HMCN2: variants seen among roughly 807,000 people sequenced by gnomAD.
HMCN2 encodes the protein hemicentin 2.
HMCN2 carries 325 observed loss-of-function variants against 377.5 expected under a neutral mutation model. The ratio of observed to expected loss-of-function variants is 0.86; its 90% CI spans 0.79 to 0.94. The LOEUF (loss-of-function observed/expected upper bound fraction) is 0.94, where lower values mean the gene tolerates loss of function less well. HMCN2 is among the 40% of genes least tolerant of loss of function. The probability of loss-of-function intolerance (pLI) is 0.00; values close to 1 mark genes in which losing one functional copy is unlikely to be tolerated. For missense variants in HMCN2, 4,543 were observed against 4,725.3 expected (o/e 0.96, Z 1.13); for synonymous variants, 2,007 against 2,046.8 (o/e 0.98, Z 0.53).
chr9:130,408,872 T>C lies in HMCN2; in HGVS notation c.12818T>C (p.Leu4273Pro). The change falls in exon 84 of 98, where the codon CTG becomes CCG. Residue 4273 changes from leucine (L) to proline (P), a missense_variant. Leu to Pro is a moderately conservative substitution (Grantham distance 98). Coordinates refer to ENST00000683500, the MANE Select transcript of HMCN2 (RefSeq NM_001291815.2). ...DIHWIKDGLP[L>P]RGSHLRHQLQ... ...CACTGGATCAAAGATGGCCTTCCAC[T>C]GCGGGGCAGCCACCTCCGGCACCAG... 3.1e-6 allele frequency: 4 copies of C among 1,289,784 alleles called. 1 individual carries two copies. The highest frequency in any genetic ancestry group is 4.3e-4 in the Middle Eastern group (2 of 4,692). The allele number at this position is 1,289,784 out of a possible 1,614,324, so 79.9% of individuals were successfully genotyped here. A position where few individuals can be genotyped will look rare whatever the true frequency, so the allele number is the denominator to read the frequency against.
chr9:130,403,750 C>T lies in HMCN2; in HGVS notation c.12023C>T (p.Thr4008Ile), dbSNP rs1405021219. 1.1e-5 allele frequency: 14 copies of T among 1,289,638 alleles called. No homozygotes were observed. Among genetic ancestry groups the T allele is most frequent in the South Asian group, 1.2e-5 (1 of 81,024 alleles). The allele number at this position is 1,289,638 out of a possible 1,614,324, so 79.9% of individuals were successfully genotyped here. ...CTTCTTCCTCGTTCAGGAGTGAGTA[C>T]CCAGGTCCTACCAGGCGGACAGCTG... ...EGLNVATGVS[T>I]QVLPGGQLRI... The change falls in exon 80 of 98, where the codon ACC becomes ATC. Residue 4008 changes from threonine to isoleucine, a missense_variant. Thr to Ile is a moderately conservative substitution (Grantham distance 89). Coordinates refer to ENST00000683500, the MANE Select transcript of HMCN2 (RefSeq NM_001291815.2).
intron 15 of HMCN2, among the ~76,000 whole-genome samples, chr9:130,316,340 G>A (rs1044462800): frequency 6.6e-6 from 1 of 151,854 alleles, no homozygotes; most frequent in Admixed American, 6.6e-5. Context: ...GGAGCTCAGT[G>A]GAAGGTCTGG....
In HMCN2 at chr9:130,361,995, C is replaced by T; in HGVS notation, c.5951-13C>T. On this transcript the variant is annotated splice_polypyrimidine_tract_variant and intron_variant, in intron 38 of 97. Transcript: ENST00000683500. The surrounding 1 kb of genome is among the most constrained non-coding windows in gnomAD (Gnocchi z 4.8). ...GGGCTCAGCCTGTACCCCATGTCACCCCTGCCCTGCAGTGCCCCCTCGAAT... is the reference window on the plus strand; with the variant it reads ...GGGCTCAGCCTGTACCCCATGTCACTCCTGCCCTGCAGTGCCCCCTCGAAT... 1.0e-6 allele frequency: 1 copy of T among 986,018 alleles called. No individual in the cohort carries two copies. The highest frequency in any genetic ancestry group is 1.2e-6 in the Non-Finnish European group (1 of 830,048). The allele number at this position is 986,018 out of a possible 1,614,324, so 61.1% of individuals were successfully genotyped here.
At chr9:130,329,589 C>T (rs1456266246) in intron 22 of HMCN2, among the ~76,000 whole-genome samples, 1 of 152,154 alleles carries the variant, frequency 6.6e-6, no homozygotes, top group East Asian at 1.9e-4. Flanking sequence ...ATTACAGGCA[C>T]CTGCCATCAT....
rs946846684 is a variant in HMCN2 at position 130,425,116 on chromosome 9, G to A, written c.13627G>A (p.Asp4543Asn). Residue 4543 changes from aspartate to asparagine, a missense_variant, in exon 89 of 98, where the codon GAT (aspartate) becomes AAT (asparagine). Coordinates refer to ENST00000683500, the MANE Select transcript of HMCN2 (RefSeq NM_001291815.2). ...TGTCCCCGAGAGCCTGGCTGACGCA[G>A]ATCTTCAAGTGCAGGTCGGGGGTCA... is the stretch of plus-strand genomic sequence containing the variant. The part of the protein sequence containing the change: ...GVVPESLADA[D>N]LQVQDFEEHY... 2.6e-6 allele frequency: 4 copies of A among 1,549,296 alleles called. No individual in the cohort carries two copies. In the East Asian group the frequency reaches 9.8e-5, roughly 38 times the overall value.
intron 93 of HMCN2, 50 bp from the exon 94 acceptor site, chr9:130,429,507 G>A: frequency 6.5e-7 from 1 of 1,547,902 alleles, no homozygotes; most frequent in Non-Finnish European, 8.7e-7. Context: ...CCTTGGGGGA[G>A]GGGCCCTGGG....
At chr9:130,266,182 G>C (rs1222654680) in intron 1 of HMCN2, 45 bp downstream of exon 1, 1 of 436,780 alleles carries the variant, frequency 2.3e-6, no homozygotes, top group Non-Finnish European at 4.5e-6. Context: ...CCTTCGAGGT[G>C]CTCTCACCTG....
At position 130,395,308 on chromosome 9, in the gene HMCN2, G is replaced by A. The variant is rs1458423939; in HGVS notation, c.10872G>A (p.Ala3624=). 8 of 1,289,420 alleles carry A rather than the reference G, an allele frequency of 6.2e-6. No individual in the cohort carries two copies. Among genetic ancestry groups the A allele is most frequent in the Middle Eastern group, 2.1e-4 (1 of 4,686 alleles). The allele number at this position is 1,289,420 out of a possible 1,614,324, so 79.9% of individuals were successfully genotyped here. A position where few individuals can be genotyped will look rare whatever the true frequency, so the allele number is the denominator to read the frequency against. Residue 3624 remains alanine, a synonymous_variant, in exon 71 of 98, where the codon GCG becomes GCA. Coordinates refer to ENST00000683500, the MANE Select transcript of HMCN2 (RefSeq NM_001291815.2). ...AGTGTTCGGTGGAGGCAGAGCCAGC[G>A]CCCAAGATCACGTGGCACCGAGACG... ...VLECSVEAEP[A]PKITWHRDGI...
chr9:130,410,503 A>G, intron 84 of HMCN2, 68 bp from the exon 85 acceptor site: 1 of 1,448,506 alleles, frequency 6.9e-7, no homozygotes, highest in South Asian at 1.2e-5. Flanking sequence ...TCAGTCCCCT[A>G]CCCAACTGTC....
rs534522923 is a variant in HMCN2, at chr9:130,408,839, C to T, written c.12785C>T (p.Pro4262Leu). 5.1e-5 allele frequency: 66 copies of T among 1,289,714 alleles called. No individual in the cohort carries two copies. In the South Asian group the frequency reaches 5.2e-4, roughly 10 times the overall value. 79.9% of individuals were successfully genotyped at this position (1,289,714 alleles called of 1,614,324 possible). The change falls in exon 84 of 98, where the codon CCG becomes CTG. Residue 4262 changes from proline to leucine, a missense_variant. Around this residue, in one of 5 missense-constraint regions of HMCN2, gnomAD observed 1,073 missense variants for 1,319.5 expected, o/e 0.81. Coordinates refer to ENST00000683500, the MANE Select transcript of HMCN2 (RefSeq NM_001291815.2). ...TGTGTGGTGCGTGGAGACCCAGTGC[C>T]GGACATCCACTGGATCAAAGATGGC... is the stretch of plus-strand genomic sequence containing the variant. Reference protein sequence around the residue: ...LDCVVRGDPVPDIHWIKDGLP... With the variant: ...LDCVVRGDPVLDIHWIKDGLP...
At position 130,359,398 on chromosome 9, in the gene HMCN2, G is replaced by C. The variant is rs776746087; in HGVS notation, c.5757G>C (p.Ser1919=). 1 of 1,302,186 alleles carries C rather than the reference G, an allele frequency of 7.7e-7. No individual in the cohort carries two copies. Among genetic ancestry groups the C allele is most frequent in the African/African-American group, 1.5e-5 (1 of 65,790 alleles). The allele number at this position is 1,302,186 out of a possible 1,614,324, so 80.7% of individuals were successfully genotyped here. A position where few individuals can be genotyped will look rare whatever the true frequency, so the allele number is the denominator to read the frequency against. Residue 1919 remains serine (S), a synonymous_variant, in exon 37 of 98, where the codon TCG becomes TCC. Coordinates refer to ENST00000683500, the MANE Select transcript of HMCN2 (RefSeq NM_001291815.2). ...CAGTGACCTTGGAGTGTCTGGCTTC[G>C]GGCGTGCCCCCTCCTGGTAAGACCC... ...NASVTLECLA[S]GVPPPDVSWF...
intron 1 of HMCN2, among the ~76,000 whole-genome samples, chr9:130,275,532 C>T (rs1554922728): frequency 6.6e-6 from 1 of 152,178 alleles, no homozygotes; most frequent in African/African-American, 2.4e-5. Flanking sequence ...TCATTGCAAC[C>T]CCTGCTTCCT....
chr9:130,286,389 G>C (rs1317794087), intron 4 of HMCN2, 79 bp downstream of exon 4: 5 of 448,140 alleles, frequency 1.1e-5, no homozygotes, highest in African/African-American at 1.0e-4. Context: ...TGTGGCTCCA[G>C]GTGGTTGAAT....
At chr9:130,354,583 G>C (rs1004912433) in intron 31 of HMCN2, among the ~76,000 whole-genome samples, 180 bp from the exon 32 acceptor site, 1 of 152,182 alleles carries the variant, frequency 6.6e-6, no homozygotes, top group Non-Finnish European at 1.5e-5. Context: ...CCCAGGGGCT[G>C]AGGAGGGTGA....
intron 1 of HMCN2, among the ~76,000 whole-genome samples, chr9:130,270,228 G>GT (rs11381589): frequency 0.76 from 108,217 of 142,238 alleles, 43,665 homozygotes; most frequent in East Asian, 0.94. Flanking sequence ...GAAATCTATT[G>GT]TTTTTTTTCT....
chr9:130,392,730 G>T (rs1167900884), intron 66 of HMCN2, among the ~76,000 whole-genome samples: 1 of 145,090 alleles, frequency 6.9e-6, no homozygotes, highest in Non-Finnish European at 1.5e-5. Context: ...GGGTGCGGTG[G>T]CTCACGCCTG....
intron 4 of HMCN2, among the ~76,000 whole-genome samples, chr9:130,289,174 C>G (rs981000662): frequency 4.6e-5 from 7 of 152,292 alleles, no homozygotes; most frequent in Non-Finnish European, 1.0e-4. Flanking sequence ...TCTTGCTCTC[C>G]TCTGCATCCC....
At position 130,373,032 on chromosome 9, in the gene HMCN2, T is replaced by C. The variant is rs1177567267; in HGVS notation, c.7352-6T>C. On this transcript the variant is annotated splice_polypyrimidine_tract_variant and splice_region_variant and intron_variant, in intron 47 of 97. Transcript: ENST00000683500. Reference sequence around the variant, plus strand: ...CACTAGCCATTTGTCTCCCTGCTTCTCCCAGTTCCTCCCAGTATTGAGAAC... The same window carrying C: ...CACTAGCCATTTGTCTCCCTGCTTCCCCCAGTTCCTCCCAGTATTGAGAAC... 18 of 754,150 alleles carry C rather than the reference T, an allele frequency of 2.4e-5. No homozygotes were observed. Among genetic ancestry groups the C allele is most frequent in the Non-Finnish European group, 7.9e-6 (5 of 631,076 alleles). The allele number at this position is 754,150 out of a possible 1,614,324, so 46.7% of individuals were successfully genotyped here. A position where few individuals can be genotyped will look rare whatever the true frequency, so the allele number is the denominator to read the frequency against.
At chr9:130,407,536 G>A (rs1162125904) in intron 82 of HMCN2, 35 bp from the exon 83 acceptor site, 17 of 1,287,330 alleles carry the variant, frequency 1.3e-5, no homozygotes, top group African/African-American at 3.0e-5. Context: ...TAGGGCAGGA[G>A]TTCCCTGCAC....
Sources: gnomAD v4.1 joint callset for allele counts (sites outside exome capture counted in the v4.1 genomes callset) on GRCh38, gnomAD v4.1.1 for gene constraint, gnomAD v4.1.1 regional missense constraint, Gnocchi (gnomAD v3.1) non-coding constraint, MANE v1.5 for transcripts, NCBI Gene and HGNC (gene_info 2026-07-23, HGNC 2026-07-21) for gene names.